STRA6: variants seen among roughly 807,000 people sequenced by gnomAD.
STRA6 encodes the protein signaling receptor and transporter of retinol STRA6.
A neutral mutation model predicts 83.6 loss-of-function variants in STRA6; 48 were observed. The ratio of observed to expected loss-of-function variants is 0.57; its 90% CI spans 0.46 to 0.73. STRA6 has a LOEUF of 0.73. STRA6 is among the 30% of genes least tolerant of loss of function. The pLI is 0.00. For synonymous variants in STRA6, 353 were observed against 362.3 expected, an observed-to-expected ratio of 0.97 and a Z score of 0.29; for missense variants, 760 against 838.8, an observed-to-expected ratio of 0.91 and a Z score of 1.16.
rs1267115009 is a variant in STRA6, at chr15:74,200,920, G to A, written c.113+1235C>T. ...CCCCAGCCAGTGCCCAGGCCCTGAG[G>A]CTCCCAAGGACACAGCTTCAGATTA... is the stretch of plus-strand genomic sequence containing the variant. On this transcript the variant is annotated intron_variant, in intron 2 of 18. Transcript: ENST00000395105. Among the ~76,000 whole-genome samples, 3 of 152,114 alleles carry A rather than the reference G, an allele frequency of 2.0e-5. No homozygotes were observed. In the East Asian group the frequency reaches 5.8e-4, roughly 29 times the overall value.
In STRA6 at chr15:74,195,815, G is replaced by A. The variant is rs140505936; in HGVS notation, c.407-140C>T. The A allele has an allele frequency of 4.9e-4, 468 of 947,990 alleles. 3 individuals carry two copies. The African/African-American group carries it at 7.1e-3, about 14-fold the overall frequency. 58.7% of individuals were successfully genotyped at this position (947,990 alleles called of 1,614,324 possible). A position where few individuals can be genotyped will look rare whatever the true frequency, so the allele number is the denominator to read the frequency against. ...TCTCAGTTCCTCCATTGCAAAATGG[G>A]GCTAATATGCATACTTTGTAGCATC... On this transcript the variant is annotated intron_variant, in intron 5 of 18. Coordinates refer to ENST00000395105, the MANE Select transcript of STRA6 (RefSeq NM_022369.4).
At chr15:74,209,747 C>T, upstream of STRA6, 2 of 364,272 alleles carry the variant, frequency 5.5e-6, no homozygotes, top group South Asian at 1.1e-4. Flanking sequence ...GAGGGGGTAT[C>T]CTGCAGGGAT....
chr15:74,205,356 G>C (rs1454030638), upstream of STRA6, among the ~76,000 whole-genome samples: 2 of 152,314 alleles, frequency 1.3e-5, no homozygotes, highest in East Asian at 3.9e-4. Context: ...TCAGCTTCTG[G>C]GGAGGGCCTC....
intron 1 of STRA6, 61 bp from the exon 2 acceptor site, chr15:74,202,343 G>GAA: frequency 6.4e-7 from 1 of 1,556,328 alleles, no homozygotes; most frequent in Middle Eastern, 1.7e-4. Context: ...GCTTAAAAGA[G>GAA]AAAAAAAAAG....
At chr15:74,205,625 C>A (rs776048815), upstream of STRA6, among the ~76,000 whole-genome samples, 1 of 152,228 alleles carries the variant, frequency 6.6e-6, no homozygotes, top group Non-Finnish European at 1.5e-5. Context: ...GCACACACAT[C>A]CAAACCATAT....
intron 2 of STRA6, among the ~76,000 whole-genome samples, chr15:74,201,051 G>C (rs890829040): frequency 2.0e-5 from 3 of 152,160 alleles, no homozygotes; most frequent in Non-Finnish European, 4.4e-5. Flanking sequence ...GAGCCCACAG[G>C]CTCTCGGTCA....
chr15:74,206,020 G>A (rs2074253980), upstream of STRA6, among the ~76,000 whole-genome samples: 1 of 152,236 alleles, frequency 6.6e-6, no homozygotes, highest in Non-Finnish European at 1.5e-5. Flanking sequence ...CCCTGGGACT[G>A]GCTATGTGGC....
At chr15:74,181,579 T>C (rs1317280898) in intron 16 of STRA6, 121 bp from the exon 17 acceptor site, 1 of 1,347,536 alleles carries the variant, frequency 7.4e-7, no homozygotes, top group Non-Finnish European at 1.0e-6. Flanking sequence ...TTTATTGCTA[T>C]GTCTTCTGTG....
Position 74,181,390 on chromosome 15 carries a change from G to A in STRA6, c.1589C>T (p.Thr530Ile). Residue 530 changes from threonine (T) to isoleucine (I), a missense_variant, in exon 17 of 19, where the codon ACC becomes ATC. Physicochemically the swap from Thr to Ile is moderately conservative, Grantham distance 89. Coordinates refer to ENST00000395105, the MANE Select transcript of STRA6 (RefSeq NM_022369.4). ...GAGGGCAGAGAGGAGCACTCGCCAG[G>A]TGGCCACCATGGCACCCACCAGCAC... ...LNVLVGAMVA[T>I]WRVLLSALYN... 2 of 1,613,456 alleles carry A rather than the reference G, an allele frequency of 1.2e-6. No individual in the cohort carries two copies. The highest frequency in any genetic ancestry group is 1.7e-6 in the Non-Finnish European group (2 of 1,179,696).
chr15:74,206,935 G>A (rs1053261391), upstream of STRA6, among the ~76,000 whole-genome samples: 4 of 152,344 alleles, frequency 2.6e-5, no homozygotes, highest in Admixed American at 1.3e-4. Flanking sequence ...ACAGATTGGC[G>A]GGTGGCTAAG....
At chr15:74,207,674 G>C (rs574934800), upstream of STRA6, 99 of 1,530,278 alleles carry the variant, frequency 6.5e-5, no homozygotes, top group Middle Eastern at 5.0e-4. Flanking sequence ...TTCCAGGAGT[G>C]GGGGGATGGC....
upstream of STRA6, chr15:74,207,652 G>A (rs987692242): frequency 4.6e-5 from 69 of 1,505,556 alleles, no homozygotes; most frequent in Non-Finnish European, 5.8e-5. Flanking sequence ...AAGAGAACAC[G>A]CAAGAGAGGC....
chr15:74,208,954 G>A, exon 1 of STRA6: 3 of 1,002,334 alleles, frequency 3.0e-6, no homozygotes, highest in Non-Finnish European at 3.6e-6. Flanking sequence ...GGATCCTAGA[G>A]GGGTGGCTGG....
In STRA6 at chr15:74,202,260, G is replaced by C. The variant is rs1475354452; in HGVS notation, c.8C>G (p.Ser3Cys). 1 of 1,543,828 alleles carries C rather than the reference G, an allele frequency of 6.5e-7. No individual in the cohort carries two copies. The highest frequency in any genetic ancestry group is 8.7e-7 in the Non-Finnish European group (1 of 1,151,106). The change falls in exon 2 of 19, where the codon TCC becomes TGC. Residue 3 changes from serine to cysteine, a missense_variant. Ser to Cys is a moderately radical substitution (Grantham distance 112, BLOSUM62 -1). Coordinates refer to ENST00000395105, the MANE Select transcript of STRA6 (RefSeq NM_022369.4). ...GGAGGTCTGGTTCCCTGCTGGCTGGGACGACATTCTCTGGCCCTTCTCCTT... is the reference window on the plus strand; with the variant it reads ...GGAGGTCTGGTTCCCTGCTGGCTGGCACGACATTCTCTGGCCCTTCTCCTT... MSSQPAGNQTSPG... is the reference protein window; with the variant it reads MSCQPAGNQTSPG...
chr15:74,182,582 C>T, intron 14 of STRA6, 122 bp from the exon 15 acceptor site: 1 of 753,884 alleles, frequency 1.3e-6, no homozygotes, highest in Non-Finnish European at 2.3e-6. Context: ...CTCTGCTCTG[C>T]CACTGCCTAG....
At chr15:74,192,854 G>A (rs976720467) in intron 8 of STRA6, among the ~76,000 whole-genome samples, 1 of 152,122 alleles carries the variant, frequency 6.6e-6, no homozygotes, top group African/African-American at 2.4e-5. Context: ...CCCGCCCCCT[G>A]CACCACAGTC....
At position 74,191,238 on chromosome 15, in the gene STRA6, T is replaced by A. The variant is rs752186125; in HGVS notation, c.794A>T (p.His265Leu). The A allele has an allele frequency of 7.0e-5, 113 of 1,613,534 alleles. 3 individuals are homozygous for A. The Admixed American group carries it at 1.7e-3, about 24-fold the overall frequency. The change falls in exon 10 of 19, where the codon CAC becomes CTC. Residue 265 changes from histidine to leucine, a missense_variant. Coordinates refer to ENST00000395105, the MANE Select transcript of STRA6 (RefSeq NM_022369.4). ...LCRKKLGSSYHTSKHGFLSWA... is the reference protein window; with the variant it reads ...LCRKKLGSSYLTSKHGFLSWA... Reference sequence around the variant, plus strand: ...GGACAGGAAGCCATGCTTGGAGGTGTGGTAGCTGCAGAAAGACCCAGGCAG... The same window carrying A: ...GGACAGGAAGCCATGCTTGGAGGTGAGGTAGCTGCAGAAAGACCCAGGCAG...
In STRA6 at chr15:74,182,348, G is replaced by A. The variant is rs942228626; in HGVS notation, c.1413C>T (p.Ser471=). 3.1e-6 allele frequency: 5 copies of A among 1,614,124 alleles called. 1 individual carries two copies. The South Asian group carries it at 4.4e-5, about 14-fold the overall frequency. ...RNLLLFRSLE[S]SWPFWLTLAL... ...CCATGTCTTGTTTCACTCACCACGAGGACTCCAGGGAACGGAAGAGCAGGA... is the reference window on the plus strand; with the variant it reads ...CCATGTCTTGTTTCACTCACCACGAAGACTCCAGGGAACGGAAGAGCAGGA... The change falls in exon 15 of 19, where the codon TCC becomes TCT. Residue 471 remains serine, a synonymous_variant. Transcript: ENST00000395105.
At chr15:74,203,303 G>T, upstream of STRA6, 1 of 706,344 alleles carries the variant, frequency 1.4e-6, no homozygotes, top group Non-Finnish European at 1.7e-6. Context: ...CCACGGGTAG[G>T]CAAGAGGAGC....
Sources: allele counts gnomAD v4.1 joint callset (sites outside exome capture counted in the v4.1 genomes callset), GRCh38; gene constraint gnomAD v4.1.1; transcripts MANE v1.5; gene names NCBI Gene and HGNC (gene_info 2026-07-23, HGNC 2026-07-21).